The following PLCL1 variants were observed in gnomAD, a reference collection of about 807,000 sequenced individuals.
PLCL1 encodes the protein inactive phospholipase C-like protein 1.
In PLCL1, 41 loss-of-function variants were observed where a neutral mutation model predicts 84.4. The ratio of observed to expected loss-of-function variants is 0.49; its 90% confidence interval spans 0.38 to 0.63. The LOEUF (loss-of-function observed/expected upper bound fraction) is 0.63. PLCL1 is among the 30% of genes least tolerant of loss of function. The pLI is 0.00. For synonymous variants in PLCL1, 490 were observed against 488.3 expected, an observed-to-expected ratio of 1.00 and a Z score of -0.05; for missense variants, 1,206 against 1,367.8, an observed-to-expected ratio of 0.88 and a Z score of 1.87.
Position 197,938,629 on chromosome 2 carries a change from GA to G in PLCL1, c.240+133293del, listed in dbSNP as rs1488592913. On this transcript the variant is annotated intron_variant, in intron 1 of 5. Transcript: ENST00000428675. ...CCATCTCCTACCAGCAGTTGGTGGG[GA>G]AAGGGCCAGGGGAACACATACCTAG... Among the ~76,000 whole-genome samples, 5 of 152,120 alleles carry G rather than the reference GA, an allele frequency of 3.3e-5. No homozygotes were observed. The East Asian group carries it at 7.7e-4, about 23-fold the overall frequency.
chr2:197,868,102 A>G (rs1444378926), intron 1 of PLCL1, among the ~76,000 whole-genome samples: 2 of 152,196 alleles, frequency 1.3e-5, no homozygotes, highest in African/African-American at 4.8e-5. Context: ...CATTAGAAAT[A>G]GGTATTATCT....
intron 1 of PLCL1, among the ~76,000 whole-genome samples, chr2:197,863,242 A>C (rs1208310855): frequency 1.3e-5 from 2 of 151,844 alleles, no homozygotes. Context: ...CAGATGGAAG[A>C]CACTGAATGT....
At chr2:198,064,817 T>A (rs149724059) in intron 1 of PLCL1, among the ~76,000 whole-genome samples, 190 of 152,272 alleles carry the variant, frequency 1.2e-3, no homozygotes, top group African/African-American at 4.4e-3. Flanking sequence ...TGAATGAAAG[T>A]CTTTATGTTT....
intron 1 of PLCL1, among the ~76,000 whole-genome samples, chr2:197,872,162 CT>C (rs1164972865): frequency 2.0e-5 from 3 of 152,172 alleles, no homozygotes; most frequent in East Asian, 1.9e-4. Context: ...TTTCTCCCCC[CT>C]GGCCTAATCC....
intron 1 of PLCL1, among the ~76,000 whole-genome samples, chr2:197,923,062 G>A (rs1171226606): frequency 3.1e-5 from 4 of 130,392 alleles, no homozygotes; most frequent in African/African-American, 8.7e-5. Flanking sequence ...CAGACGGGGC[G>A]GCTGGCCGGG....
chr2:197,844,734 G>A (rs1419476617), intron 1 of PLCL1, among the ~76,000 whole-genome samples: 4 of 151,886 alleles, frequency 2.6e-5, no homozygotes, highest in African/African-American at 7.3e-5. Context: ...CTTTGGAAAC[G>A]TTTTTAAAGT....
intron 1 of PLCL1, among the ~76,000 whole-genome samples, chr2:198,026,589 T>C (rs1445143762): frequency 6.6e-6 from 1 of 152,120 alleles, no homozygotes; most frequent in Non-Finnish European, 1.5e-5. Flanking sequence ...GAAGAAAAAG[T>C]ATGGAAAGGG....
rs555739363 is a variant in PLCL1, at chr2:198,103,195, A to G, written c.2996-632A>G. Among the ~76,000 whole-genome samples the G allele has an allele frequency of 2.0e-5, 3 of 152,168 alleles. 1 individual carries two copies. The South Asian group carries it at 6.2e-4, about 32-fold the overall frequency. ...ATGGTTGCCATTGACACATCAGACC[A>G]TTTCATGCATAAACCAGGAAGAGGA... On this transcript the variant is annotated intron_variant, in intron 4 of 5. Coordinates refer to ENST00000428675, the MANE Select transcript of PLCL1 (RefSeq NM_006226.4).
chr2:198,119,055 T>C (rs1409347033), intron 5 of PLCL1, among the ~76,000 whole-genome samples: 7 of 151,988 alleles, frequency 4.6e-5, no homozygotes. Context: ...GAGTATTACA[T>C]ACATCAGATG....
chr2:198,096,765 A>T (rs1214554912), intron 3 of PLCL1, among the ~76,000 whole-genome samples: 1 of 152,174 alleles, frequency 6.6e-6, no homozygotes, highest in East Asian at 1.9e-4. Context: ...GGTGATTTGG[A>T]GAGCAGTTGA....
rs1692796825 is a variant in PLCL1 at position 198,084,266 on chromosome 2, C to A, written c.749C>A (p.Ala250Glu). 1 of 1,614,104 alleles carries A rather than the reference C, an allele frequency of 6.2e-7. No individual in the cohort carries two copies. The highest frequency in any genetic ancestry group is 1.3e-5 in the African/African-American group (1 of 75,032). The change falls in exon 2 of 6, where the codon GCA becomes GAA. Residue 250 changes from alanine (A) to glutamate (E), a missense_variant. Ala to Glu is a moderately radical substitution (Grantham distance 107). Coordinates refer to ENST00000428675, the MANE Select transcript of PLCL1 (RefSeq NM_006226.4). Reference sequence around the variant, plus strand: ...ATGTGGTTGAAAACAGTGTTTGAAGCAGCAGATGTTGATGGGAATGGGATT... The same window carrying A: ...ATGTGGTTGAAAACAGTGTTTGAAGAAGCAGATGTTGATGGGAATGGGATT... ...RFMWLKTVFE[A>E]ADVDGNGIML...
intron 3 of PLCL1, among the ~76,000 whole-genome samples, chr2:198,090,679 G>A (rs1371401866): frequency 6.6e-6 from 1 of 152,150 alleles, no homozygotes; most frequent in East Asian, 1.9e-4. Context: ...TCATAAAAAT[G>A]GGGACTGAAA....
Position 198,147,009 on chromosome 2 carries a change from T to A in PLCL1, c.*47T>A. On this transcript the variant is annotated 3_prime_UTR_variant, in exon 6 of 6. Coordinates refer to ENST00000428675, the MANE Select transcript of PLCL1 (RefSeq NM_006226.4). ...TCACCCATCTTATCAAGGACTCTGG[T>A]TTCTCATTCTTGTTTTCTTTCTTTA... The A allele has an allele frequency of 4.8e-6, 7 of 1,449,612 alleles. No individual in the cohort carries two copies. The highest frequency in any genetic ancestry group is 6.5e-6 in the Non-Finnish European group (7 of 1,077,738). 89.8% of individuals were successfully genotyped at this position (1,449,612 alleles called of 1,614,324 possible). A position where few individuals can be genotyped will look rare whatever the true frequency, so the allele number is the denominator to read the frequency against.
chr2:197,947,381 T>C (rs1689300932), intron 1 of PLCL1, among the ~76,000 whole-genome samples: 1 of 151,878 alleles, frequency 6.6e-6, no homozygotes, highest in Admixed American at 6.6e-5. Flanking sequence ...TCTAATTCAG[T>C]AGGGGCCTGG....
At chr2:197,860,661 C>T (rs140425554) in intron 1 of PLCL1, among the ~76,000 whole-genome samples, 1,619 of 152,166 alleles carry the variant, frequency 0.011, 11 homozygotes, top group Non-Finnish European at 0.017. Context: ...TGCTTGTTGA[C>T]GGCATGCATG....
chr2:197,817,020 T>C (rs1690703437), intron 1 of PLCL1, among the ~76,000 whole-genome samples: 1 of 152,190 alleles, frequency 6.6e-6, no homozygotes, highest in South Asian at 2.1e-4. Context: ...TTTAGTGTCA[T>C]GGCCAAATGG....
chr2:197,872,327 A>G (rs1687663087), intron 1 of PLCL1, among the ~76,000 whole-genome samples: 1 of 152,084 alleles, frequency 6.6e-6, no homozygotes, highest in Admixed American at 6.6e-5. Flanking sequence ...ATTTCTTTAT[A>G]CTAAGTCTGG....
chr2:197,960,387 T>C (rs917655537), intron 1 of PLCL1, among the ~76,000 whole-genome samples: 6 of 152,136 alleles, frequency 3.9e-5, no homozygotes, highest in South Asian at 2.1e-4. Flanking sequence ...ATCAGTCTAA[T>C]AGTAAGATTT....
At chr2:198,013,570 T>A (rs1181947312) in intron 1 of PLCL1, among the ~76,000 whole-genome samples, 1 of 152,100 alleles carries the variant, frequency 6.6e-6, no homozygotes, top group Non-Finnish European at 1.5e-5. Context: ...GACTACAGCT[T>A]AACTAAAAAT....
Sources: gnomAD v4.1 joint callset for allele counts (sites outside exome capture counted in the v4.1 genomes callset) on GRCh38, gnomAD v4.1.1 for gene constraint, MANE v1.5 for transcripts, NCBI Gene and HGNC (gene_info 2026-07-23, HGNC 2026-07-21) for gene names.